DOCK11: variants seen among roughly 807,000 people sequenced by gnomAD.
DOCK11 encodes dedicator of cytokinesis 11, also known as dedicator of cytokinesis protein 11.
DOCK11 carries 70 observed loss-of-function variants against 169.1 expected under a neutral mutation model. The observed-to-expected ratio is 0.41, with a 90% confidence interval of 0.34 to 0.51. DOCK11 has a LOEUF of 0.51. Ranked by LOEUF, DOCK11 falls within the 20% of genes least tolerant of loss-of-function variation. DOCK11 has a pLI of 0.10. For synonymous variants in DOCK11, 529 were observed against 541.3 expected, an observed-to-expected ratio of 0.98 and a Z score of 0.32; for missense variants, 1,166 against 1,538.8, an observed-to-expected ratio of 0.76 and a Z score of 4.05.
chrX:118,666,198 A>G (rs2016335878), intron 45 of DOCK11, among the ~76,000 whole-genome samples: 1 of 112,395 alleles, frequency 8.9e-6, no homozygotes, highest in South Asian at 3.6e-4. Flanking sequence ...CAGAGGTTGC[A>G]GTGAGCCAAG....
At chrX:118,627,356 T>G in intron 32 of DOCK11, 148 bp from the exon 33 acceptor site, 1 of 417,339 alleles carries the variant, frequency 2.4e-6, no homozygotes, top group Non-Finnish European at 4.2e-6. Flanking sequence ...TAAAAAAGAG[T>G]CACCTAAATA....
intron 6 of DOCK11, among the ~76,000 whole-genome samples, chrX:118,549,112 G>GTGTGTGTGTA (rs1165251290): frequency 1.2e-4 from 13 of 104,523 alleles, no homozygotes; most frequent in African/African-American, 4.9e-4. Flanking sequence ...TATTCTGTGT[G>GTGTGTGTGTA]TGTGTGTGTG....
chrX:118,566,009 C>A lies in DOCK11; in HGVS notation c.698C>A (p.Pro233His). The A allele has an allele frequency of 8.3e-7, 1 of 1,209,943 alleles. No homozygotes were observed. ...CATACTTTTTCTCCCCTCTAGTGCC[C>A]CAAAATGCGCCGTCATGCTTTTGAA... Reference protein sequence around the residue: ...LDACIDVVQCPKMRRHAFELK... With the variant: ...LDACIDVVQCHKMRRHAFELK... Residue 233 changes from proline (P) to histidine (H), a missense_variant, in exon 8 of 53, where the codon CCC (proline) becomes CAC (histidine). Transcript: ENST00000276202.
chrX:118,566,492 G>A (rs1174527715), intron 8 of DOCK11, 82 bp from the exon 9 acceptor site: 12 of 867,598 alleles, frequency 1.4e-5, no homozygotes, highest in Non-Finnish European at 9.8e-6. Flanking sequence ...AGGATGGGTG[G>A]GAGAGATAGT....
At chrX:118,581,129 C>G (rs1326664822) in intron 14 of DOCK11, among the ~76,000 whole-genome samples, 1 of 112,181 alleles carries the variant, frequency 8.9e-6, no homozygotes, top group Non-Finnish European at 1.9e-5. Context: ...GCCTGTACAG[C>G]TCACTGGGGC....
intron 6 of DOCK11, among the ~76,000 whole-genome samples, chrX:118,560,407 A>G (rs1348010889): frequency 8.9e-6 from 1 of 111,839 alleles, no homozygotes; most frequent in African/African-American, 3.2e-5. Context: ...TTTTAAAGCC[A>G]GGTTCTTCGA....
intron 7 of DOCK11, 100 bp from the exon 8 acceptor site, chrX:118,565,905 C>T: frequency 2.5e-6 from 2 of 812,524 alleles, no homozygotes; most frequent in Non-Finnish European, 3.6e-6. Context: ...TCTTGACGCA[C>T]ATATGCACTA....
chrX:118,643,696 A>G (rs2015587189), intron 40 of DOCK11, 102 bp downstream of exon 40: 1 of 951,286 alleles, frequency 1.1e-6, no homozygotes, highest in African/African-American at 2.0e-5. Flanking sequence ...ATGCCAGCTC[A>G]TGAAGCCATT....
chrX:118,604,521 C>CTTTTTTT (rs74504860), intron 23 of DOCK11, among the ~76,000 whole-genome samples: 32 of 38,191 alleles, frequency 8.4e-4, no homozygotes, highest in African/African-American at 1.0e-3. Context: ...GGTTTGTTTC[C>CTTTTTTT]TTTTTTTTTT....
In DOCK11 at chrX:118,573,885, T is replaced by G. The variant is rs1362160725; in HGVS notation, c.1256T>G (p.Leu419Arg). The change falls in exon 12 of 53, where the codon CTG becomes CGG. Residue 419 changes from leucine (L) to arginine (R), a missense_variant. Transcript: ENST00000276202. ...ATTTCAGCAGACTTTCATGTAGACC[T>G]GAATCCCCCATCTGTCCGTGAAATG... The part of the protein sequence containing the change: ...CKISADFHVD[L>R]NPPSVREMLW... The G allele has an allele frequency of 4.1e-6, 5 of 1,211,304 alleles. No individual in the cohort carries two copies. In the East Asian group the frequency reaches 1.2e-4, roughly 29 times the overall value.
At chrX:118,655,739 G>A (rs2016050121) in intron 44 of DOCK11, among the ~76,000 whole-genome samples, 1 of 111,980 alleles carries the variant, frequency 8.9e-6, no homozygotes, top group African/African-American at 3.2e-5. Flanking sequence ...ATTGGCAATG[G>A]AGCTGGCAAC....
intron 35 of DOCK11, chrX:118,633,038 A>C (rs919936011): frequency 1.9e-5 from 2 of 105,687 alleles, no homozygotes; most frequent in Non-Finnish European, 3.9e-5. Context: ...CTGTGTCTTC[A>C]CTTTTCTCTT....
intron 1 of DOCK11, among the ~76,000 whole-genome samples, chrX:118,499,889 G>C (rs754717464): frequency 9.0e-6 from 1 of 111,558 alleles, no homozygotes; most frequent in Non-Finnish European, 1.9e-5. Context: ...ACAAAAGACC[G>C]GTGCAGGTTG....
chrX:118,622,517 A>G (rs890371493), intron 31 of DOCK11, among the ~76,000 whole-genome samples: 14 of 111,576 alleles, frequency 1.3e-4, no homozygotes, highest in African/African-American at 4.6e-4. Context: ...TGCTTCCCTG[A>G]GAGAATTGTA....
chrX:118,674,787 A>G (rs151036806), intron 46 of DOCK11, among the ~76,000 whole-genome samples: 1,255 of 112,122 alleles, frequency 0.011, 18 homozygotes, highest in African/African-American at 0.039. Flanking sequence ...TTCGATCATC[A>G]GTGTTCTAGG....
intron 40 of DOCK11, among the ~76,000 whole-genome samples, chrX:118,647,167 G>C (rs867095145): frequency 1.2e-5 from 1 of 81,893 alleles, no homozygotes; most frequent in Non-Finnish European, 2.3e-5. Flanking sequence ...GTGTGTGTGT[G>C]TGTGTGTGTG....
At chrX:118,551,039 C>T (rs1335927009) in intron 6 of DOCK11, among the ~76,000 whole-genome samples, 2 of 111,740 alleles carry the variant, frequency 1.8e-5, no homozygotes, top group Admixed American at 1.9e-4. Context: ...GAACTCCAGC[C>T]CACACTGGTA....
At chrX:118,647,689 TTATAA>T (rs1303772247) in intron 40 of DOCK11, among the ~76,000 whole-genome samples, 19 of 56,872 alleles carry the variant, frequency 3.3e-4, no homozygotes, top group African/African-American at 8.2e-4. Flanking sequence ...TAATATTATA[TTATAA>T]TATAATATAT....
Position 118,608,245 on chromosome X carries a change from T to A in DOCK11, c.2766T>A (p.Pro922=), listed in dbSNP as rs2014585946. 8.3e-7 allele frequency: 1 copy of A among 1,204,518 alleles called. No individual in the cohort carries two copies. The highest frequency in any genetic ancestry group is 1.1e-6 in the Non-Finnish European group (1 of 893,398). The change falls in exon 26 of 53, where the codon CCT becomes CCA. Residue 922 remains proline, a synonymous_variant. Transcript: ENST00000276202. The stretch of plus-strand genomic sequence containing the variant: ...TTTATTTGTAGTATAGCTTCCGACC[T>A]GAAAAACCGAGTGCTCCTCAGGCCC... ...LRSFIKYSFR[P]EKPSAPQAQL...
Sources: allele counts gnomAD v4.1 joint callset (sites outside exome capture counted in the v4.1 genomes callset), GRCh38; gene constraint gnomAD v4.1.1; transcripts MANE v1.5; gene names NCBI Gene and HGNC (gene_info 2026-07-23, HGNC 2026-07-21).